FBF1: variants seen among roughly 807,000 people sequenced by gnomAD.
The protein encoded by FBF1 is fas-binding factor 1.
Under a neutral mutation model 147.2 loss-of-function variants are expected in FBF1, and 119 were observed. The observed-to-expected ratio is 0.81, with a 90% CI of 0.70 to 0.94. The LOEUF is 0.94. Among genes scored for constraint, FBF1 ranks in the 40% least tolerant of loss-of-function variants. The pLI, the probability that FBF1 is intolerant of heterozygous loss-of-function variation, is 0.00. For synonymous variants in FBF1, 601 were observed against 609.0 expected, an observed-to-expected ratio of 0.99 and a Z score of 0.19; for missense variants, 1,449 against 1,500.8, an observed-to-expected ratio of 0.97 and a Z score of 0.57.
At position 75,909,710 on chromosome 17, in the gene FBF1, G is replaced by T; in HGVS notation, c.*1013C>A. On this transcript the variant is annotated 3_prime_UTR_variant, in exon 30 of 30. Coordinates refer to ENST00000636174, the MANE Select transcript of FBF1 (RefSeq NM_001319193.2). Reference sequence around the variant, plus strand: ...AGACCGCAGGTGCTGGAGGGGAGAGGCACGTGGCCAGAGGCGCCTGGTCCT... The same window carrying T: ...AGACCGCAGGTGCTGGAGGGGAGAGTCACGTGGCCAGAGGCGCCTGGTCCT... 1.7e-6 allele frequency: 1 copy of T among 581,630 alleles called. No homozygotes were observed. Among genetic ancestry groups the T allele is most frequent in the South Asian group, 2.2e-5 (1 of 46,224 alleles). The allele number at this position is 581,630 out of a possible 1,614,324, so 36.0% of individuals were successfully genotyped here.
chr17:75,939,228 GA>G (rs1357475118), intron 1 of FBF1, among the ~76,000 whole-genome samples: 1 of 146,822 alleles, frequency 6.8e-6, no homozygotes, highest in African/African-American at 2.5e-5. Flanking sequence ...CCTAGGAGGA[GA>G]AGGTTGCAGT....
chr17:75,924,686 C>A (rs778068650), intron 13 of FBF1, among the ~76,000 whole-genome samples: 20 of 152,156 alleles, frequency 1.3e-4, no homozygotes, highest in Non-Finnish European at 2.6e-4. Flanking sequence ...CCATGTTGGC[C>A]AGGCTGGTCT....
At chr17:75,940,122 T>G (rs1336938392) in intron 1 of FBF1, among the ~76,000 whole-genome samples, 1 of 151,848 alleles carries the variant, frequency 6.6e-6, no homozygotes, top group Non-Finnish European at 1.5e-5. Flanking sequence ...ATTTTTGTAT[T>G]TTTAGTAGAG....
chr17:75,939,295 CAAA>C (rs56272719), intron 1 of FBF1, among the ~76,000 whole-genome samples: 3,441 of 82,818 alleles, frequency 0.042, 45 homozygotes, highest in South Asian at 0.059. Flanking sequence ...ACTCTGTCTC[CAAA>C]AAAAAAAAAA....
In FBF1 at chr17:75,928,598, A is replaced by G. The variant is rs2065576152; in HGVS notation, c.280-405T>C. On this transcript the variant is annotated intron_variant, in intron 7 of 29. Coordinates refer to ENST00000636174, the MANE Select transcript of FBF1 (RefSeq NM_001319193.2). The surrounding 1 kb of genome is among the most constrained non-coding windows in gnomAD (Gnocchi z 4.2). Reference sequence around the variant, plus strand: ...GCCGAGGCAGGTGGATCACCAGGTCAAGAAATCGAGACCATCCTGGCCAAC... The same window carrying G: ...GCCGAGGCAGGTGGATCACCAGGTCGAGAAATCGAGACCATCCTGGCCAAC... Among the ~76,000 whole-genome samples the G allele has an allele frequency of 6.6e-6, 1 of 152,114 alleles. No individual in the cohort carries two copies. Among genetic ancestry groups the G allele is most frequent in the Non-Finnish European group, 1.5e-5 (1 of 68,008 alleles).
At chr17:75,912,922 C>T (rs1347164633) in intron 28 of FBF1, among the ~76,000 whole-genome samples, 4 of 151,832 alleles carry the variant, frequency 2.6e-5, no homozygotes, top group African/African-American at 9.7e-5. Context: ...TGCCTGTAAT[C>T]GCAGCTACTT....
intron 10 of FBF1, 24 bp downstream of exon 10, chr17:75,926,734 G>T (rs1277922109): frequency 6.2e-7 from 1 of 1,603,800 alleles, no homozygotes; most frequent in Non-Finnish European, 8.5e-7. Context: ...CTCCAGGATG[G>T]GAAATGAGCC....
intron 5 of FBF1, among the ~76,000 whole-genome samples, chr17:75,932,558 G>A (rs1393733148): frequency 6.6e-6 from 1 of 152,062 alleles, no homozygotes; most frequent in Admixed American, 6.6e-5. Flanking sequence ...ACCAGCCTGG[G>A]CAATGTGGTA....
chr17:75,923,781 G>T lies in FBF1; in HGVS notation c.969-140C>A. On this transcript the variant is annotated intron_variant, in intron 13 of 29. Coordinates refer to ENST00000636174, the MANE Select transcript of FBF1 (RefSeq NM_001319193.2). The surrounding 1 kb of genome is among the most constrained non-coding windows in gnomAD (Gnocchi z 4.1). Reference sequence around the variant, plus strand: ...CCAGTGAGCAGTGGCTCCTGGACCGGCTCAGGTGGCAGGCCACGTGCTGTC... The same window carrying T: ...CCAGTGAGCAGTGGCTCCTGGACCGTCTCAGGTGGCAGGCCACGTGCTGTC... 1.2e-6 allele frequency: 1 copy of T among 809,402 alleles called. No homozygotes were observed. Among genetic ancestry groups the T allele is most frequent in the Non-Finnish European group, 1.9e-6 (1 of 526,702 alleles). The allele number at this position is 809,402 out of a possible 1,614,324, so 50.1% of individuals were successfully genotyped here.
Position 75,917,858 on chromosome 17 carries a change from C to G in FBF1, c.2387-8G>C. 6.3e-7 allele frequency: 1 copy of G among 1,595,468 alleles called. No homozygotes were observed. The highest frequency in any genetic ancestry group is 8.5e-7 in the Non-Finnish European group (1 of 1,173,734). Reference sequence around the variant, plus strand: ...CCAGCCGCTCCTGCAGTGCTGGGGGCAACCCACAGGGTGCTCAGCAGCTGC... The same window carrying G: ...CCAGCCGCTCCTGCAGTGCTGGGGGGAACCCACAGGGTGCTCAGCAGCTGC... On this transcript the variant is annotated splice_polypyrimidine_tract_variant and splice_region_variant and intron_variant, in intron 22 of 29. Coordinates refer to ENST00000636174, the MANE Select transcript of FBF1 (RefSeq NM_001319193.2).
chr17:75,938,055 C>T (rs370014181), intron 2 of FBF1, 92 bp downstream of exon 2: 4 of 1,566,618 alleles, frequency 2.6e-6, no homozygotes, highest in Admixed American at 1.8e-5. Context: ...TGCCGCCCAG[C>T]CCCCAGAGTG....
rs376833713 is a variant in FBF1, at chr17:75,914,010, C to T, written c.3032G>A (p.Arg1011His). The T allele has an allele frequency of 8.5e-5, 135 of 1,580,878 alleles. No homozygotes were observed. Among genetic ancestry groups the T allele is most frequent in the Non-Finnish European group, 1.1e-4 (127 of 1,170,998 alleles). The change falls in exon 27 of 30, where the codon CGC becomes CAC. Residue 1011 changes from arginine (R) to histidine (H), a missense_variant. By Grantham distance (29) the Arg-to-His change is conservative (BLOSUM62 0). Coordinates refer to ENST00000636174, the MANE Select transcript of FBF1 (RefSeq NM_001319193.2). ...CTCTGCCTGCACCTGCTGGGCCTCG[C>T]GCAATGCCCGCTCCCCCTCCTCGTA... The part of the protein sequence containing the change: ...EKYEEGERAL[R>H]EAQQVQAEQQ...
Position 75,928,418 on chromosome 17 carries a change from C to CA in FBF1, c.280-226dup, listed in dbSNP as rs199629093. 8.9e-4 allele frequency among the ~76,000 whole-genome samples: 136 copies of CA among 152,172 alleles called. 1 individual carries two copies. In the East Asian group the frequency reaches 0.025, roughly 28 times the overall value. The stretch of plus-strand genomic sequence containing the variant: ...GCTCATGGTTCTGGGATGAGAGACT[C>CA]AAAGTCAGCACCAAAAATTGAGTCA... On this transcript the variant is annotated intron_variant, in intron 7 of 29. Coordinates refer to ENST00000636174, the MANE Select transcript of FBF1 (RefSeq NM_001319193.2). The surrounding 1 kb of genome is among the most constrained non-coding windows in gnomAD (Gnocchi z 4.2).
At chr17:75,927,217 T>C (rs998816828) in intron 9 of FBF1, among the ~76,000 whole-genome samples, 7 of 152,238 alleles carry the variant, frequency 4.6e-5, no homozygotes, top group African/African-American at 1.7e-4. Flanking sequence ...GGAAAGGGGC[T>C]CCTTCCTATA....
chr17:75,917,892 C>A, intron 22 of FBF1, 39 bp downstream of exon 22: 1 of 1,586,794 alleles, frequency 6.3e-7, no homozygotes, highest in Non-Finnish European at 8.6e-7. Flanking sequence ...GCTCCCCCTT[C>A]CCACCAGGAG....
In FBF1 at chr17:75,914,808, T is replaced by TCGCGCTCGGCCC. The variant is rs1337424375; in HGVS notation, c.2741_2752dup (p.Arg917_Glu918insGlyAlaGluArg). The stretch of plus-strand genomic sequence containing the variant: ...GTCCACCTGCAATGCCCGCTCGGCC[T>TCGCGCTCGGCCC]CGCGCTCGGCCCGCTCCTTACTCAG... On this transcript the variant is annotated inframe_insertion, in exon 25 of 30. Transcript: ENST00000636174. The TCGCGCTCGGCCC allele has an allele frequency of 1.8e-5, 14 of 791,120 alleles. No homozygotes were observed. The highest frequency in any genetic ancestry group is 1.4e-4 in the Admixed American group (6 of 43,954). The allele number at this position is 791,120 out of a possible 1,614,324, so 49.0% of individuals were successfully genotyped here. A position where few individuals can be genotyped will look rare whatever the true frequency, so the allele number is the denominator to read the frequency against.
At chr17:75,933,152 G>A in intron 4 of FBF1, 64 bp from the exon 5 acceptor site, 1 of 1,312,640 alleles carries the variant, frequency 7.6e-7, no homozygotes, top group Non-Finnish European at 1.1e-6. Context: ...AAGATGCAAA[G>A]GCTGGCAAGC....
At chr17:75,935,232 T>C (rs1359070404) in intron 4 of FBF1, among the ~76,000 whole-genome samples, 1 of 151,834 alleles carries the variant, frequency 6.6e-6, no homozygotes, top group Non-Finnish European at 1.5e-5. Context: ...TGGTGCAACG[T>C]TGGCTCACTG....
Position 75,932,933 on chromosome 17 carries a change from GAGGGGC to G in FBF1, c.167+56_167+61del, listed in dbSNP as rs2144191764. On this transcript the variant is annotated intron_variant, in intron 5 of 29. Coordinates refer to ENST00000636174, the MANE Select transcript of FBF1 (RefSeq NM_001319193.2). ...AATGTGAAGTAGAAAGTGGGGGGTG[GAGGGGC>G]AGAGAGCATTTAGACTGAAGTAGGT... is the stretch of plus-strand genomic sequence containing the variant. 2 of 1,117,798 alleles carry G rather than the reference GAGGGGC, an allele frequency of 1.8e-6. 1 individual carries two copies. Among genetic ancestry groups the G allele is most frequent in the South Asian group, 3.4e-5 (2 of 58,966 alleles). The allele number at this position is 1,117,798 out of a possible 1,614,324, so 69.2% of individuals were successfully genotyped here. A position where few individuals can be genotyped will look rare whatever the true frequency, so the allele number is the denominator to read the frequency against.
Sources: gnomAD v4.1 joint callset for allele counts (sites outside exome capture counted in the v4.1 genomes callset) on GRCh38, gnomAD v4.1.1 for gene constraint, Gnocchi (gnomAD v3.1) non-coding constraint, MANE v1.5 for transcripts, NCBI Gene and HGNC (gene_info 2026-07-23, HGNC 2026-07-21) for gene names.